The following SDK1 variants were observed in gnomAD, a reference collection of about 807,000 sequenced individuals.
The protein encoded by SDK1 is sidekick cell adhesion molecule 1.
In SDK1, 157 loss-of-function variants were observed where a neutral mutation model predicts 245.5. That is an observed-to-expected ratio of 0.64 (90% CI 0.56 to 0.73). The LOEUF (loss-of-function observed/expected upper bound fraction) is 0.73, where lower values mean the gene tolerates loss of function less well. Among genes scored for constraint, SDK1 ranks in the 30% least tolerant of loss-of-function variants. The pLI is 0.00. For synonymous variants in SDK1, 1,647 were observed against 1,278.5 expected, an observed-to-expected ratio of 1.29 and a Z score of -6.15; for missense variants, 3,583 against 3,002.3, an observed-to-expected ratio of 1.19 and a Z score of -4.52.
At chr7:3,613,991 C>T (rs1016177843) in intron 1 of SDK1, among the ~76,000 whole-genome samples, 3 of 151,954 alleles carry the variant, frequency 2.0e-5, no homozygotes, top group Admixed American at 6.6e-5. Flanking sequence ...AGGATGAGAG[C>T]GGGGAGAGGA....
In SDK1 at chr7:4,042,181, C is replaced by T. The variant is rs551271517; in HGVS notation, c.2603-7167C>T. 2.9e-5 allele frequency among the ~76,000 whole-genome samples: 4 copies of T among 136,228 alleles called. No homozygotes were observed. In the South Asian group the frequency reaches 6.8e-4, roughly 23 times the overall value. The allele number at this position is 136,228 out of a possible 152,430, so 89.4% of individuals were successfully genotyped here. ...TACAAAAACTAACAGATATCCCTGT[C>T]TCTGGGTCCCTGTGTAACCTATCCG... On this transcript the variant is annotated intron_variant, in intron 17 of 44. Coordinates refer to ENST00000404826, the MANE Select transcript of SDK1 (RefSeq NM_152744.4).
intron 5 of SDK1, among the ~76,000 whole-genome samples, chr7:3,938,659 A>AAAAAAAAAAAAAAAAAAGAG (rs1554284813): frequency 6.6e-6 from 1 of 150,954 alleles, no homozygotes; most frequent in African/African-American, 2.5e-5. Context: ...AAAAAAAAAA[A>AAAAAAAAAAAAAAAAAAGAG]AGAGATCCTC....
At chr7:3,834,488 A>G (rs1779986497) in intron 5 of SDK1, among the ~76,000 whole-genome samples, 1 of 152,244 alleles carries the variant, frequency 6.6e-6, no homozygotes, top group African/African-American at 2.4e-5. Flanking sequence ...CTTTGTTAGC[A>G]GAACTCTGAA....
chr7:3,810,974 G>T (rs995896246), intron 4 of SDK1, among the ~76,000 whole-genome samples: 1 of 152,180 alleles, frequency 6.6e-6, no homozygotes, highest in Non-Finnish European at 1.5e-5. Flanking sequence ...TGACCGAGCT[G>T]TGTTTTTACA....
intron 2 of SDK1, among the ~76,000 whole-genome samples, chr7:3,624,227 C>G (rs912399362): frequency 1.3e-5 from 2 of 152,168 alleles, no homozygotes; most frequent in South Asian, 2.1e-4. Context: ...GAGATAGGGT[C>G]TCACTCTGTT....
rs781631547 is a variant in SDK1 at position 4,265,247 on chromosome 7, A to G, written c.6505A>G (p.Arg2169Gly). The change falls in exon 45 of 45, where the codon AGG becomes GGG. Residue 2169 changes from arginine to glycine, a missense_variant. Arg to Gly is a moderately radical substitution (Grantham distance 125). Coordinates refer to ENST00000404826, the MANE Select transcript of SDK1 (RefSeq NM_152744.4). ...RAQGRAPAPH[R>G]YEAVAGSEAG... ...CCAGGGCCGCGCACCTGCGCCGCAC[A>G]GGTACGAGGCGGTGGCGGGCTCCGA... The G allele has an allele frequency of 5.6e-6, 9 of 1,605,432 alleles. No individual in the cohort carries two copies. The highest frequency in any genetic ancestry group is 6.8e-6 in the Non-Finnish European group (8 of 1,178,874).
chr7:3,525,818 C>G (rs1783108653), intron 1 of SDK1, among the ~76,000 whole-genome samples: 1 of 152,098 alleles, frequency 6.6e-6, no homozygotes, highest in South Asian at 2.1e-4. Flanking sequence ...AAAAAAATAT[C>G]AATTTTAGTG....
chr7:3,776,467 C>T (rs1026245589), intron 4 of SDK1, among the ~76,000 whole-genome samples: 2 of 152,138 alleles, frequency 1.3e-5, no homozygotes, highest in Non-Finnish European at 2.9e-5. Flanking sequence ...ATTTCTGGTT[C>T]AATATTATGA....
intron 1 of SDK1, among the ~76,000 whole-genome samples, chr7:3,334,314 G>T (rs1337493193): frequency 1.3e-5 from 2 of 152,226 alleles, no homozygotes; most frequent in African/African-American, 4.8e-5. Flanking sequence ...GAAAGCAGCA[G>T]TTCTCATTCT....
At chr7:3,403,974 C>T (rs978602457) in intron 1 of SDK1, among the ~76,000 whole-genome samples, 1 of 149,248 alleles carries the variant, frequency 6.7e-6, no homozygotes, top group African/African-American at 2.5e-5. Flanking sequence ...TAAAGTGAAT[C>T]ACACAAATTT....
intron 1 of SDK1, among the ~76,000 whole-genome samples, chr7:3,565,034 G>T (rs1340311334): frequency 2.6e-5 from 4 of 151,982 alleles, no homozygotes; most frequent in Non-Finnish European, 5.9e-5. Context: ...GCAGTTTTGG[G>T]TTGTGGGGTC....
chr7:3,714,907 G>A (rs1432355422), intron 4 of SDK1, among the ~76,000 whole-genome samples: 4 of 152,138 alleles, frequency 2.6e-5, no homozygotes, highest in Non-Finnish European at 5.9e-5. Context: ...ATTTTAAAAT[G>A]TGCTTTGAGA....
intron 4 of SDK1, among the ~76,000 whole-genome samples, chr7:3,793,193 G>C (rs1583419325): frequency 1.3e-5 from 2 of 151,970 alleles, no homozygotes; most frequent in Non-Finnish European, 2.9e-5. Context: ...TAATATTTTG[G>C]TCTGTTTCCG....
At chr7:4,258,118 T>G (rs899215358) in intron 44 of SDK1, among the ~76,000 whole-genome samples, 2 of 152,186 alleles carry the variant, frequency 1.3e-5, no homozygotes, top group African/African-American at 4.8e-5. Context: ...GATCTTTGGC[T>G]GAGGAAACAT....
intron 1 of SDK1, among the ~76,000 whole-genome samples, chr7:3,463,086 C>A (rs1182202449): frequency 1.3e-5 from 2 of 152,146 alleles, no homozygotes; most frequent in African/African-American, 4.8e-5. Flanking sequence ...GCCCTTCCTT[C>A]ATCAACTTGT....
chr7:3,319,501 T>G (rs1232378673), intron 1 of SDK1, among the ~76,000 whole-genome samples: 1 of 152,222 alleles, frequency 6.6e-6, no homozygotes, highest in Non-Finnish European at 1.5e-5. Flanking sequence ...AAGTTTCTTT[T>G]TATTATCTCC....
At chr7:3,930,063 C>T (rs1779918457) in intron 5 of SDK1, among the ~76,000 whole-genome samples, 1 of 152,152 alleles carries the variant, frequency 6.6e-6, no homozygotes, top group Non-Finnish European at 1.5e-5. Flanking sequence ...CACAGAACTT[C>T]TCACACTGAA....
chr7:3,950,871 G>C, intron 5 of SDK1, 52 bp from the exon 6 acceptor site: 1 of 1,398,236 alleles, frequency 7.2e-7, no homozygotes, highest in Non-Finnish European at 1.0e-6. Context: ...TAACGGCGGG[G>C]GGTGCTCCTG....
intron 44 of SDK1, among the ~76,000 whole-genome samples, chr7:4,259,403 C>G (rs1327380435): frequency 6.6e-6 from 1 of 152,192 alleles, no homozygotes; most frequent in African/African-American, 2.4e-5. Flanking sequence ...CCACTGCACT[C>G]TAGCCTGGGC....
Sources: gnomAD v4.1 joint callset for allele counts (sites outside exome capture counted in the v4.1 genomes callset) on GRCh38, gnomAD v4.1.1 for gene constraint, MANE v1.5 for transcripts, NCBI Gene and HGNC (gene_info 2026-07-23, HGNC 2026-07-21) for gene names.